The following TRAPPC3L variants were observed in gnomAD, a reference collection of about 807,000 sequenced individuals.
TRAPPC3L encodes trafficking protein particle complex subunit 3L.
In TRAPPC3L, 23 loss-of-function variants were observed where a neutral mutation model predicts 23.7. The ratio of observed to expected loss-of-function variants is 0.97; its 90% CI spans 0.70 to 1.37. The LOEUF is 1.37. Ranked by LOEUF, TRAPPC3L falls within the 40% of genes most tolerant of loss-of-function variation. The pLI, the probability that TRAPPC3L is intolerant of heterozygous loss-of-function variation, is 0.00. For missense variants in TRAPPC3L, 212 were observed against 216.8 expected, an observed-to-expected ratio of 0.98 and a Z score of 0.14; for synonymous variants, 81 against 77.9, an observed-to-expected ratio of 1.04 and a Z score of -0.21.
intron 3 of TRAPPC3L, among the ~76,000 whole-genome samples, chr6:116,501,811 A>C (rs1469565262): frequency 6.6e-6 from 1 of 152,214 alleles, no homozygotes; most frequent in East Asian, 1.9e-4. Context: ...ACTAACGAAC[A>C]GAAAGGAATA....
intron 3 of TRAPPC3L, among the ~76,000 whole-genome samples, chr6:116,535,524 T>A (rs1019905120): frequency 1.3e-5 from 2 of 152,232 alleles, no homozygotes; most frequent in Non-Finnish European, 2.9e-5. Context: ...TATTTTATCA[T>A]AAATGTGTTT....
chr6:116,530,642 T>C (rs1772641377), intron 3 of TRAPPC3L, among the ~76,000 whole-genome samples: 1 of 152,146 alleles, frequency 6.6e-6, no homozygotes, highest in Admixed American at 6.5e-5. Flanking sequence ...ATATTTACTT[T>C]GCATTAACAA....
chr6:116,533,222 G>C (rs1772848812), intron 3 of TRAPPC3L, among the ~76,000 whole-genome samples: 1 of 152,234 alleles, frequency 6.6e-6, no homozygotes, highest in African/African-American at 2.4e-5. Context: ...TAGATTTATA[G>C]TCATTGGAGG....
At chr6:116,502,251 G>A (rs1282951977) in intron 3 of TRAPPC3L, among the ~76,000 whole-genome samples, 6 of 152,112 alleles carry the variant, frequency 3.9e-5, no homozygotes, top group South Asian at 2.1e-4. Flanking sequence ...TAGCTGATTC[G>A]ATCAAGTGGA....
intron 3 of TRAPPC3L, among the ~76,000 whole-genome samples, chr6:116,526,433 C>G (rs950646011): frequency 6.6e-6 from 1 of 152,314 alleles, no homozygotes; most frequent in Non-Finnish European, 1.5e-5. Flanking sequence ...TTGTTCTAAA[C>G]AGTGGAGGCC....
At chr6:116,512,383 C>A in intron 3 of TRAPPC3L, 2 of 933,080 alleles carry the variant, frequency 2.1e-6, no homozygotes, top group South Asian at 2.0e-5. Context: ...GAGACTATCT[C>A]AGGAAAAGCT....
chr6:116,513,381 CT>C (rs1772162624), intron 3 of TRAPPC3L, among the ~76,000 whole-genome samples: 1 of 152,128 alleles, frequency 6.6e-6, no homozygotes, highest in Non-Finnish European at 1.5e-5. Context: ...TGTCTTGTGT[CT>C]TTTATTGAAG....
At chr6:116,526,916 A>G (rs1303787460) in intron 3 of TRAPPC3L, among the ~76,000 whole-genome samples, 3 of 152,194 alleles carry the variant, frequency 2.0e-5, no homozygotes, top group Non-Finnish European at 4.4e-5. Context: ...TTTGACATAC[A>G]TATTCATTAT....
At chr6:116,521,503 G>A (rs1433857180) in intron 3 of TRAPPC3L, 1 of 141,742 alleles carries the variant, frequency 7.1e-6, no homozygotes, top group South Asian at 2.3e-4. Flanking sequence ...GACCCAACTC[G>A]AGTGGAGAGA....
intron 3 of TRAPPC3L, chr6:116,519,956 A>G (rs891173186): frequency 1.2e-4 from 18 of 152,172 alleles, no homozygotes; most frequent in African/African-American, 4.3e-4. Context: ...AAAAAAAGGT[A>G]TGTAACAAAG....
chr6:116,545,457 T>G lies in TRAPPC3L; in HGVS notation c.42+16A>C, dbSNP rs1773723037. ...TTCTCTGAAGTAGAAAAAATCTCTT[T>G]GTAGAAAGATCTTACTATTTTATGG... On this transcript the variant is annotated intron_variant, in intron 1 of 4. Coordinates refer to ENST00000368602, the MANE Select transcript of TRAPPC3L (RefSeq NM_001139444.3). The G allele has an allele frequency of 6.5e-7, 1 of 1,539,410 alleles. No individual in the cohort carries two copies. Among genetic ancestry groups the G allele is most frequent in the Admixed American group, 2.0e-5 (1 of 49,474 alleles).
intron 3 of TRAPPC3L, among the ~76,000 whole-genome samples, chr6:116,506,868 G>C (rs1583267035): frequency 6.6e-6 from 1 of 152,036 alleles, no homozygotes; most frequent in African/African-American, 2.4e-5. Flanking sequence ...CTGTCAGGCT[G>C]GGGGGCTGGG....
intron 3 of TRAPPC3L, among the ~76,000 whole-genome samples, chr6:116,504,064 C>A (rs1488198964): frequency 6.6e-6 from 1 of 152,086 alleles, no homozygotes; most frequent in Non-Finnish European, 1.5e-5. Context: ...CACAAAAAAA[C>A]CCTTCAAAAA....
chr6:116,502,631 T>C (rs1161859814), intron 3 of TRAPPC3L, among the ~76,000 whole-genome samples: 1 of 152,162 alleles, frequency 6.6e-6, no homozygotes, highest in Non-Finnish European at 1.5e-5. Context: ...GAGAGAAAGG[T>C]TGGGTTACCC....
intron 3 of TRAPPC3L, among the ~76,000 whole-genome samples, chr6:116,508,707 C>A (rs910063048): frequency 6.6e-6 from 1 of 151,992 alleles, no homozygotes; most frequent in Non-Finnish European, 1.5e-5. Flanking sequence ...CTAACACTAG[C>A]CAGTTTAGGA....
At chr6:116,530,703 G>A (rs1347872441) in intron 3 of TRAPPC3L, among the ~76,000 whole-genome samples, 3 of 151,806 alleles carry the variant, frequency 2.0e-5, no homozygotes, top group Non-Finnish European at 4.4e-5. Context: ...ATTTTGAAGT[G>A]TTTGCTTTCT....
intron 3 of TRAPPC3L, among the ~76,000 whole-genome samples, chr6:116,532,562 A>ACTT (rs1772807699): frequency 6.6e-6 from 1 of 152,254 alleles, no homozygotes; most frequent in Admixed American, 6.5e-5. Flanking sequence ...ATGAAAGGCA[A>ACTT]CTTCACTGGC....
In TRAPPC3L at chr6:116,500,473, A is replaced by T. The variant is rs1205436615; in HGVS notation, c.426+8T>A. 1 of 1,542,684 alleles carries T rather than the reference A, an allele frequency of 6.5e-7. No individual in the cohort carries two copies. The highest frequency in any genetic ancestry group is 8.8e-7 in the Non-Finnish European group (1 of 1,142,618). ...TTCTTCATTCATTCTTCACTTATTCAACTTTACCATTTCCAAGGCACCTCT... is the reference window on the plus strand; with the variant it reads ...TTCTTCATTCATTCTTCACTTATTCTACTTTACCATTTCCAAGGCACCTCT... On this transcript the variant is annotated splice_region_variant and intron_variant, in intron 4 of 4. Transcript: ENST00000368602.
At chr6:116,540,995 T>G (rs1773415763) in intron 2 of TRAPPC3L, among the ~76,000 whole-genome samples, 2 of 152,130 alleles carry the variant, frequency 1.3e-5, no homozygotes, top group Non-Finnish European at 2.9e-5. Context: ...CTTCAGACTC[T>G]GAAGTTTACT....
Sources: gnomAD v4.1 joint callset for allele counts (sites outside exome capture counted in the v4.1 genomes callset) on GRCh38, gnomAD v4.1.1 for gene constraint, MANE v1.5 for transcripts, NCBI Gene and HGNC (gene_info 2026-07-23, HGNC 2026-07-21) for gene names.